Variants in SLC17A6 observed in about 807,000 individuals in gnomAD.
SLC17A6 encodes vesicular glutamate transporter 2.
SLC17A6 carries 35 observed loss-of-function variants against 67.1 expected under a neutral mutation model. The observed-to-expected ratio is 0.52, with a 90% CI of 0.40 to 0.69. SLC17A6 has a LOEUF of 0.69. Ranked by LOEUF, SLC17A6 falls within the 30% of genes least tolerant of loss-of-function variation. SLC17A6 has a pLI of 0.00. For synonymous variants in SLC17A6, 285 were observed against 252.3 expected (o/e 1.13, Z -1.23); for missense variants, 588 against 723.9 (o/e 0.81, Z 2.15).
chr11:22,341,476 C>T (rs958757788), intron 1 of SLC17A6, 52 bp from the exon 2 acceptor site: 30 of 1,591,800 alleles, frequency 1.9e-5, no homozygotes, highest in Non-Finnish European at 2.4e-5. Flanking sequence ...GGGTCAGCAT[C>T]GGGGGTACCT....
At chr11:22,367,733 A>G (rs191205675) in intron 7 of SLC17A6, among the ~76,000 whole-genome samples, 49 of 152,350 alleles carry the variant, frequency 3.2e-4, no homozygotes, top group African/African-American at 6.0e-4. Flanking sequence ...GCCTAAGTAA[A>G]AACTAATTCC....
At chr11:22,367,005 G>GGAA (rs1554945271) in intron 7 of SLC17A6, among the ~76,000 whole-genome samples, 1 of 78,852 alleles carries the variant, frequency 1.3e-5, no homozygotes, top group African/African-American at 5.0e-5. Flanking sequence ...ACTCCGTCTC[G>GGAA]AAAAAAAAAA....
At chr11:22,357,842 A>G (rs888989766) in intron 3 of SLC17A6, among the ~76,000 whole-genome samples, 6 of 152,208 alleles carry the variant, frequency 3.9e-5, no homozygotes, top group African/African-American at 1.2e-4. Flanking sequence ...AAGGACATCT[A>G]TTTTGGGCAA....
In SLC17A6 at chr11:22,371,547, C is replaced by A. The variant is rs867422155; in HGVS notation, c.1041+1359C>A. Reference sequence around the variant, plus strand: ...AACAAAGGCTGCTGGAGGTGTGCGTCCATTTTCATAATCTAGGACAAATAT... The same window carrying A: ...AACAAAGGCTGCTGGAGGTGTGCGTACATTTTCATAATCTAGGACAAATAT... On this transcript the variant is annotated intron_variant, in intron 8 of 11. Transcript: ENST00000263160. Among the ~76,000 whole-genome samples the A allele has an allele frequency of 1.7e-4, 25 of 151,090 alleles. 1 individual carries two copies. The highest frequency in any genetic ancestry group is 2.9e-4 in the Non-Finnish European group (20 of 67,844).
intron 8 of SLC17A6, among the ~76,000 whole-genome samples, chr11:22,370,694 T>C (rs971249118): frequency 7.2e-5 from 11 of 152,160 alleles, no homozygotes; most frequent in Non-Finnish European, 1.0e-4. Flanking sequence ...ATTTAACAAG[T>C]ATTTGTTGAA....
rs1017815501 is a variant in SLC17A6 at position 22,378,876 on chromosome 11, C to T, written c.*1136C>T. 7.9e-5 allele frequency: 12 copies of T among 151,882 alleles called. No homozygotes were observed. Among genetic ancestry groups the T allele is most frequent in the African/African-American group, 2.2e-4 (9 of 41,352 alleles). The allele number at this position is 151,882 out of a possible 1,614,324, so 9.4% of individuals were successfully genotyped here. ...TATATCTGTATATCTTATACATGTC[C>T]ATACACAGAAACATAATAAACAATC... On this transcript the variant is annotated 3_prime_UTR_variant, in exon 12 of 12. Transcript: ENST00000263160.
chr11:22,365,712 T>C (rs780103333), intron 7 of SLC17A6, 23 bp downstream of exon 7: 8 of 1,599,792 alleles, frequency 5.0e-6, no homozygotes, highest in Non-Finnish European at 6.0e-6. Context: ...TTATGGTGTA[T>C]ATTCCTATCT....
rs1856264133 is a variant in SLC17A6 at position 22,378,864 on chromosome 11, C to T, written c.*1124C>T. On this transcript the variant is annotated 3_prime_UTR_variant, in exon 12 of 12. Transcript: ENST00000263160. ...TCTCTCTCTATATATATCTGTATAT[C>T]TTATACATGTCCATACACAGAAACA... The T allele has an allele frequency of 6.6e-6, 1 of 151,980 alleles. No homozygotes were observed. The highest frequency in any genetic ancestry group is 1.5e-5 in the Non-Finnish European group (1 of 67,940). The allele number at this position is 151,980 out of a possible 1,614,324, so 9.4% of individuals were successfully genotyped here. A position where few individuals can be genotyped will look rare whatever the true frequency, so the allele number is the denominator to read the frequency against.
chr11:22,376,152 G>A (rs752093849), intron 10 of SLC17A6, 60 bp downstream of exon 10: 1 of 1,116,758 alleles, frequency 9.0e-7, no homozygotes, highest in African/African-American at 1.5e-5. Context: ...GCTGATAAAA[G>A]ACACATACAT....
rs1856271690 is a variant in SLC17A6 at position 22,379,436 on chromosome 11, T to C, written c.*1696T>C. 1 of 152,594 alleles carries C rather than the reference T, an allele frequency of 6.6e-6. No individual in the cohort carries two copies. Among genetic ancestry groups the C allele is most frequent in the Non-Finnish European group, 1.5e-5 (1 of 68,016 alleles). 9.5% of individuals were successfully genotyped at this position (152,594 alleles called of 1,614,324 possible). ...GCTTTTGTTGTGTTGAATGAAAATA[T>C]GTGGACTGTCATTTTGTTGCAGCAA... On this transcript the variant is annotated 3_prime_UTR_variant, in exon 12 of 12. Transcript: ENST00000263160.
At chr11:22,348,176 G>A (rs959494185) in intron 3 of SLC17A6, among the ~76,000 whole-genome samples, 1 of 152,116 alleles carries the variant, frequency 6.6e-6, no homozygotes, top group Non-Finnish European at 1.5e-5. Context: ...TGATGGCAAG[G>A]TACCTTTACA....
intron 11 of SLC17A6, among the ~76,000 whole-genome samples, chr11:22,376,903 C>T (rs1237782456): frequency 6.6e-6 from 1 of 152,084 alleles, no homozygotes; most frequent in African/African-American, 2.4e-5. Flanking sequence ...TTTAATAATT[C>T]TAATACCCCT....
chr11:22,344,893 T>C (rs1039327208), intron 3 of SLC17A6, among the ~76,000 whole-genome samples: 2 of 152,120 alleles, frequency 1.3e-5, no homozygotes, highest in African/African-American at 4.8e-5. Context: ...CTCATTTTTT[T>C]CCCTAAAAAG....
rs188995311 is a variant in SLC17A6 at position 22,353,843 on chromosome 11, C to T, written c.459-5570C>T. On this transcript the variant is annotated intron_variant, in intron 3 of 11. Transcript: ENST00000263160. Reference sequence around the variant, plus strand: ...GGTCTGGGTCTTCACCCCATATCTGCCCCTTTTGTGATGTCCTGGGGGAAT... The same window carrying T: ...GGTCTGGGTCTTCACCCCATATCTGTCCCTTTTGTGATGTCCTGGGGGAAT... Among the ~76,000 whole-genome samples, 9 of 152,224 alleles carry T rather than the reference C, an allele frequency of 5.9e-5. No homozygotes were observed. The East Asian group carries it at 1.7e-3, about 29-fold the overall frequency.
At chr11:22,371,386 T>C (rs1310816059) in intron 8 of SLC17A6, among the ~76,000 whole-genome samples, 1 of 152,060 alleles carries the variant, frequency 6.6e-6, no homozygotes, top group Non-Finnish European at 1.5e-5. Context: ...AGAGCTCTTT[T>C]GTAATTCCTG....
At chr11:22,340,162 G>T (rs1855799200) in intron 1 of SLC17A6, among the ~76,000 whole-genome samples, 1 of 152,100 alleles carries the variant, frequency 6.6e-6, no homozygotes, top group Non-Finnish European at 1.5e-5. Flanking sequence ...TGCTTTACCC[G>T]TGTGTGTGAA....
chr11:22,347,021 T>C (rs1433028252), intron 3 of SLC17A6, among the ~76,000 whole-genome samples: 1 of 151,818 alleles, frequency 6.6e-6, no homozygotes, highest in Non-Finnish European at 1.5e-5. Flanking sequence ...AATACCCTGC[T>C]CCTATCCTCT....
At chr11:22,362,039 AC>A (rs1856058848) in intron 5 of SLC17A6, among the ~76,000 whole-genome samples, 1 of 149,958 alleles carries the variant, frequency 6.7e-6, no homozygotes, top group Non-Finnish European at 1.5e-5. Context: ...TTTTTTTTTT[AC>A]AATTGCCTTT....
intron 3 of SLC17A6, among the ~76,000 whole-genome samples, chr11:22,345,984 A>G (rs562186012): frequency 6.6e-6 from 1 of 152,362 alleles, no homozygotes; most frequent in African/African-American, 2.4e-5. Flanking sequence ...TGAAAGACGT[A>G]TATTTCCTAT....
Sources: gnomAD v4.1 joint callset for allele counts (sites outside exome capture counted in the v4.1 genomes callset) on GRCh38, gnomAD v4.1.1 for gene constraint, MANE v1.5 for transcripts, NCBI Gene and HGNC (gene_info 2026-07-23, HGNC 2026-07-21) for gene names.